Variants in PRKAG2 observed in about 807,000 individuals in gnomAD.
PRKAG2 encodes 5'-AMP-activated protein kinase subunit gamma-2.
A neutral mutation model predicts 69.6 loss-of-function variants in PRKAG2; 26 were observed. The ratio of observed to expected loss-of-function variants is 0.37; its 90% CI spans 0.27 to 0.52. PRKAG2 has a LOEUF of 0.52. Ranked by LOEUF, PRKAG2 falls within the 20% of genes least tolerant of loss-of-function variation. The probability of loss-of-function intolerance (pLI) is 0.90; values close to 1 mark genes in which losing one functional copy is unlikely to be tolerated. For synonymous variants in PRKAG2, 293 were observed against 285.0 expected, an observed-to-expected ratio of 1.03 and a Z score of -0.28; for missense variants, 557 against 740.0, an observed-to-expected ratio of 0.75 and a Z score of 2.87.
intron 3 of PRKAG2, among the ~76,000 whole-genome samples, chr7:151,714,756 C>T (rs1435003057): frequency 6.6e-6 from 1 of 151,792 alleles, no homozygotes; most frequent in Middle Eastern, 3.2e-3. Flanking sequence ...TTGAGACCAG[C>T]CTGGACAACA....
At chr7:151,667,220 C>A (rs945196170) in intron 4 of PRKAG2, among the ~76,000 whole-genome samples, 1 of 152,190 alleles carries the variant, frequency 6.6e-6, no homozygotes, top group African/African-American at 2.4e-5. Flanking sequence ...ACCCTCTGCC[C>A]AATCTTCCTG....
At position 151,781,514 on chromosome 7, in the gene PRKAG2, C is replaced by A; in HGVS notation, c.187-83G>T. ...TGCCCTGTATGAAACTTATCATTGT[C>A]CTCTCTCACATGCGGGCCCCCCATA... is the stretch of plus-strand genomic sequence containing the variant. On this transcript the variant is annotated intron_variant, in intron 2 of 15. Coordinates refer to ENST00000287878, the MANE Select transcript of PRKAG2 (RefSeq NM_016203.4). The surrounding 1 kb of genome is among the most constrained non-coding windows in gnomAD (Gnocchi z 6.1). The A allele has an allele frequency of 6.7e-7, 1 of 1,496,912 alleles. No individual in the cohort carries two copies. Among genetic ancestry groups the A allele is most frequent in the Non-Finnish European group, 9.0e-7 (1 of 1,108,440 alleles). 92.7% of individuals were successfully genotyped at this position (1,496,912 alleles called of 1,614,324 possible).
chr7:151,683,256 G>C (rs1157324169), intron 3 of PRKAG2, among the ~76,000 whole-genome samples: 3 of 152,160 alleles, frequency 2.0e-5, no homozygotes, highest in African/African-American at 4.8e-5. Flanking sequence ...GGAGGAGGAG[G>C]AGAACAGAGG....
intron 4 of PRKAG2, among the ~76,000 whole-genome samples, chr7:151,658,836 G>A (rs994629163): frequency 6.6e-6 from 1 of 152,132 alleles, no homozygotes; most frequent in African/African-American, 2.4e-5. Context: ...TTTGACTGGT[G>A]CCCATTTGTA....
In PRKAG2 at chr7:151,807,654, C is replaced by A. The variant is rs371920332; in HGVS notation, c.115-21113G>T. On this transcript the variant is annotated intron_variant, in intron 1 of 15. Coordinates refer to ENST00000287878, the MANE Select transcript of PRKAG2 (RefSeq NM_016203.4). This position sits in a 1 kb window ranked among gnomAD's most constrained non-coding sequence, Gnocchi z 4.4. ...CCAACAGGTAAGTCCCAGCAGGGTG[C>A]GATGTCCCAAACCTACACAACCGTT... 6.6e-6 allele frequency: 3 copies of A among 456,300 alleles called. No homozygotes were observed. The highest frequency in any genetic ancestry group is 6.0e-5 in the African/African-American group (3 of 50,172). 28.3% of individuals were successfully genotyped at this position (456,300 alleles called of 1,614,324 possible).
intron 3 of PRKAG2, among the ~76,000 whole-genome samples, chr7:151,755,165 C>G (rs2075000304): frequency 6.6e-6 from 1 of 152,120 alleles, no homozygotes; most frequent in African/African-American, 2.4e-5. Context: ...CTGGGAGGGG[C>G]TGAAGGCTGG....
chr7:151,773,249 GGAAAGAAAGAAA>G (rs559991612), intron 3 of PRKAG2, among the ~76,000 whole-genome samples: 1 of 146,636 alleles, frequency 6.8e-6, no homozygotes, highest in Non-Finnish European at 1.5e-5. Flanking sequence ...AAAGAAAGAA[GGAAAGAAAGAAA>G]GAAAGAGAAA....
At chr7:151,612,580 G>A (rs1819126494) in intron 5 of PRKAG2, among the ~76,000 whole-genome samples, 1 of 152,210 alleles carries the variant, frequency 6.6e-6, no homozygotes, top group African/African-American at 2.4e-5. Flanking sequence ...CGTAGGGGCT[G>A]CTGCCATGGT....
intron 14 of PRKAG2, among the ~76,000 whole-genome samples, chr7:151,562,899 G>A (rs1276801238): frequency 6.7e-6 from 1 of 150,034 alleles, no homozygotes; most frequent in East Asian, 2.0e-4. Flanking sequence ...AGCTTGCAGT[G>A]AGCCGAGATC....
At chr7:151,830,625 G>A (rs1338104949) in intron 1 of PRKAG2, among the ~76,000 whole-genome samples, 2 of 151,840 alleles carry the variant, frequency 1.3e-5, no homozygotes, top group African/African-American at 4.8e-5. Flanking sequence ...GCCCTCCCGC[G>A]ATGGGACTCA....
intron 3 of PRKAG2, among the ~76,000 whole-genome samples, chr7:151,724,795 G>C (rs1797671331): frequency 1.3e-5 from 2 of 152,124 alleles, no homozygotes. Context: ...GACTTGCAGA[G>C]GCCTCGGGAG....
chr7:151,819,334 C>A (rs2078716645), intron 1 of PRKAG2, among the ~76,000 whole-genome samples: 1 of 152,192 alleles, frequency 6.6e-6, no homozygotes, highest in Non-Finnish European at 1.5e-5. Context: ...CGCCTAAAAT[C>A]GCCTATAGGG....
intron 14 of PRKAG2, among the ~76,000 whole-genome samples, chr7:151,562,989 G>A (rs1355201579): frequency 1.3e-5 from 2 of 151,518 alleles, no homozygotes; most frequent in African/African-American, 4.9e-5. Flanking sequence ...ATATTAAACA[G>A]ATATCTTTTG....
chr7:151,657,474 G>A (rs1303277896), intron 4 of PRKAG2, among the ~76,000 whole-genome samples: 2 of 152,134 alleles, frequency 1.3e-5, no homozygotes, highest in Non-Finnish European at 2.9e-5. Flanking sequence ...AGTGGGGAGT[G>A]CCATTTGGTA....
At chr7:151,580,744 C>A (rs978353230) in intron 6 of PRKAG2, among the ~76,000 whole-genome samples, 1 of 147,478 alleles carries the variant, frequency 6.8e-6, no homozygotes. Context: ...ATGAAAACAA[C>A]TGAACTCATG....
chr7:151,751,827 A>G (rs981985630), intron 3 of PRKAG2, among the ~76,000 whole-genome samples: 8 of 152,124 alleles, frequency 5.3e-5, no homozygotes, highest in Non-Finnish European at 1.2e-4. Flanking sequence ...ACTCTCTTCT[A>G]TGTGGGTGTT....
chr7:151,825,169 G>A (rs550320966), intron 1 of PRKAG2, among the ~76,000 whole-genome samples: 7 of 152,286 alleles, frequency 4.6e-5, no homozygotes, highest in South Asian at 2.1e-4. Flanking sequence ...AGCTGAGATC[G>A]TGCCATTGTA....
intron 1 of PRKAG2, among the ~76,000 whole-genome samples, chr7:151,854,748 G>A (rs999460410): frequency 3.3e-5 from 5 of 152,172 alleles, no homozygotes; most frequent in Admixed American, 6.5e-5. Context: ...TCCTTAGGGC[G>A]CGCCTCCTGT....
At chr7:151,757,217 C>T (rs970182335) in intron 3 of PRKAG2, among the ~76,000 whole-genome samples, 16 of 152,200 alleles carry the variant, frequency 1.1e-4, no homozygotes, top group African/African-American at 3.9e-4. Context: ...CATTCCTCCA[C>T]ACAAAGCACA....
Sources: allele counts gnomAD v4.1 joint callset (sites outside exome capture counted in the v4.1 genomes callset), GRCh38; gene constraint gnomAD v4.1.1; non-coding constraint Gnocchi (gnomAD v3.1); transcripts MANE v1.5; gene names NCBI Gene and HGNC (gene_info 2026-07-23, HGNC 2026-07-21).